The following UNK variants were observed in gnomAD, a reference collection of about 807,000 sequenced individuals.
UNK encodes the protein unk zinc finger.
Under a neutral mutation model 97.6 loss-of-function variants are expected in UNK, and 32 were observed. The ratio of observed to expected loss-of-function variants is 0.33; its 90% CI spans 0.25 to 0.44. The LOEUF is 0.44. Among genes scored for constraint, UNK ranks in the 20% least tolerant of loss-of-function variants. The probability of loss-of-function intolerance (pLI) is 1.00; values close to 1 mark genes in which losing one functional copy is unlikely to be tolerated. For synonymous variants in UNK, 441 were observed against 461.2 expected, an observed-to-expected ratio of 0.96 and a Z score of 0.56; for missense variants, 771 against 1,098.4, an observed-to-expected ratio of 0.70 and a Z score of 4.21.
rs200830237 is a variant in UNK, at chr17:75,813,831, G to A, written c.829G>A (p.Ala277Thr). ...CCCTGGCAAGTGTGAGAACGGAGAC[G>A]CCTGCCAGTACTGCCACACCCGCAC... ...GDPGKCENGD[A>T]CQYCHTRTEQ... The change falls in exon 6 of 16, where the codon GCC (alanine) becomes ACC (threonine). Residue 277 changes from alanine (A) to threonine (T), a missense_variant. Ala to Thr is a moderately conservative substitution (Grantham distance 58). Around this residue, in one of 5 missense-constraint regions of UNK, gnomAD observed 246 missense variants for 440.7 expected, o/e 0.56. Transcript: ENST00000589666. The A allele has an allele frequency of 5.7e-6, 9 of 1,589,484 alleles. No individual in the cohort carries two copies. Among genetic ancestry groups the A allele is most frequent in the South Asian group, 3.4e-5 (3 of 87,840 alleles).
At chr17:75,796,320 CTTTT>C (rs67667491) in intron 1 of UNK, among the ~76,000 whole-genome samples, 1 of 137,366 alleles carries the variant, frequency 7.3e-6, no homozygotes. Flanking sequence ...ATATTTAAAG[CTTTT>C]TTTTTTTTTT....
intron 2 of UNK, among the ~76,000 whole-genome samples, chr17:75,811,455 A>G (rs2061968267): frequency 6.6e-6 from 1 of 152,158 alleles, no homozygotes. Context: ...CCCCTAGCCT[A>G]ACGAAGCACT....
Position 75,809,946 on chromosome 17 carries a change from A to G in UNK, c.291A>G (p.Thr97=). The G allele has an allele frequency of 6.2e-7, 1 of 1,613,668 alleles. No homozygotes were observed. Among genetic ancestry groups the G allele is most frequent in the African/African-American group, 1.3e-5 (1 of 75,080 alleles). Residue 97 remains threonine (T), a synonymous_variant, in exon 2 of 16, where the codon ACA becomes ACG. Coordinates refer to ENST00000589666, the MANE Select transcript of UNK (RefSeq NM_001080419.3). ...DVYCTKYDEA[T]GLCPEGDECP... is the part of the protein sequence containing the mutation. The stretch of plus-strand genomic sequence containing the variant: ...ACTGCACCAAGTACGACGAGGCTAC[A>G]GGCCTCTGCCCGGAGGGCGACGAGT...
intron 1 of UNK, among the ~76,000 whole-genome samples, chr17:75,795,729 A>T (rs1483207763): frequency 1.3e-5 from 2 of 152,176 alleles, no homozygotes; most frequent in Non-Finnish European, 2.9e-5. Context: ...CTCTAACATC[A>T]GTGACGTGAG....
At chr17:75,797,089 T>C (rs2061812721) in intron 1 of UNK, among the ~76,000 whole-genome samples, 1 of 152,206 alleles carries the variant, frequency 6.6e-6, no homozygotes, top group Non-Finnish European at 1.5e-5. Context: ...TTTTTTGGCT[T>C]TTTGTTTTTC....
At chr17:75,795,328 T>G (rs1266783784) in intron 1 of UNK, among the ~76,000 whole-genome samples, 3 of 151,830 alleles carry the variant, frequency 2.0e-5, no homozygotes, top group African/African-American at 7.3e-5. Context: ...CTTTTTGTTG[T>G]TGTTGTTGTT....
chr17:75,819,955 A>G lies in UNK; in HGVS notation c.1684A>G (p.Ile562Val). ...GCTGCAGAGCTCTGCACCCGTGAAC[A>G]TCCCCGGCTCCTTGGGCAGCTCTGC... ...SLLQSSAPVN[I>V]PGSLGSSASF... The change falls in exon 13 of 16, where the codon ATC becomes GTC. Residue 562 changes from isoleucine (I) to valine (V), a missense_variant. Around this residue, in one of 5 missense-constraint regions of UNK, gnomAD observed 91 missense variants for 173.1 expected, o/e 0.53. Transcript: ENST00000589666. This position sits in a 1 kb window ranked among gnomAD's most constrained non-coding sequence, Gnocchi z 5.4. 1.2e-6 allele frequency: 2 copies of G among 1,612,688 alleles called. No individual in the cohort carries two copies. Among genetic ancestry groups the G allele is most frequent in the Non-Finnish European group, 8.5e-7 (1 of 1,179,246 alleles).
chr17:75,811,942 C>T (rs1599380567), intron 2 of UNK, among the ~76,000 whole-genome samples, 170 bp from the exon 3 acceptor site: 1 of 152,142 alleles, frequency 6.6e-6, no homozygotes, highest in Non-Finnish European at 1.5e-5. Flanking sequence ...GCCAAGATCG[C>T]GCCGCTGCAC....
At chr17:75,813,573 T>G (rs1373084607) in intron 5 of UNK, among the ~76,000 whole-genome samples, 188 bp from the exon 6 acceptor site, 2 of 152,162 alleles carry the variant, frequency 1.3e-5, no homozygotes, top group Non-Finnish European at 2.9e-5. Context: ...AACAGTATCC[T>G]TTGTGGTGAT....
intron 14 of UNK, among the ~76,000 whole-genome samples, chr17:75,822,934 G>C (rs891694181): frequency 1.3e-5 from 2 of 152,178 alleles, no homozygotes; most frequent in African/African-American, 4.8e-5. Context: ...CGCCTCTCCA[G>C]GGTTTCAAGT....
chr17:75,796,592 G>T (rs1289346235), intron 1 of UNK, among the ~76,000 whole-genome samples: 1 of 152,144 alleles, frequency 6.6e-6, no homozygotes, highest in Non-Finnish European at 1.5e-5. Context: ...TCCCCAAAGT[G>T]CTGGGCCTGA....
intron 1 of UNK, chr17:75,791,929 C>T (rs1403749554): frequency 1.0e-6 from 1 of 985,326 alleles, no homozygotes. Context: ...AGCTCCTTCT[C>T]TGCAAATAGC....
In UNK at chr17:75,819,141, T is replaced by A; in HGVS notation, c.1546+325T>A. The stretch of plus-strand genomic sequence containing the variant: ...GTGTAGTGAATGGCCAGCACGACGT[T>A]CTCAGAATCCCTGGTGCTAGAAGTT... On this transcript the variant is annotated intron_variant, in intron 11 of 15. Transcript: ENST00000589666. This position sits in a 1 kb window ranked among gnomAD's most constrained non-coding sequence, Gnocchi z 5.4. 1 of 290,874 alleles carries A rather than the reference T, an allele frequency of 3.4e-6. No individual in the cohort carries two copies. The highest frequency in any genetic ancestry group is 6.3e-6 in the Non-Finnish European group (1 of 157,588). 18.0% of individuals were successfully genotyped at this position (290,874 alleles called of 1,614,324 possible).
At position 75,824,465 on chromosome 17, in the gene UNK, TTTTA is replaced by T. The variant is rs2062099983; in HGVS notation, c.*49_*52del. ...GGCCCAGATCTTCTCACCTAGGACT[TTTTA>T]AAGTATATATATATATATGAATATA... On this transcript the variant is annotated 3_prime_UTR_variant, in exon 16 of 16. Coordinates refer to ENST00000589666, the MANE Select transcript of UNK (RefSeq NM_001080419.3). The surrounding 1 kb of genome is among the most constrained non-coding windows in gnomAD (Gnocchi z 4.9). The T allele has an allele frequency of 1.6e-6, 2 of 1,288,966 alleles. No homozygotes were observed. Among genetic ancestry groups the T allele is most frequent in the Non-Finnish European group, 2.0e-6 (2 of 1,002,372 alleles). The allele number at this position is 1,288,966 out of a possible 1,614,324, so 79.8% of individuals were successfully genotyped here.
At position 75,819,582 on chromosome 17, in the gene UNK, C is replaced by A; in HGVS notation, c.1547-102C>A. On this transcript the variant is annotated intron_variant, in intron 11 of 15. Transcript: ENST00000589666. This position sits in a 1 kb window ranked among gnomAD's most constrained non-coding sequence, Gnocchi z 5.4. The stretch of plus-strand genomic sequence containing the variant: ...CACAGGGGCTTGGGAGAATACGGAC[C>A]CAGCGTAGCATGGGCGTGAAGATGC... 1 of 1,089,418 alleles carries A rather than the reference C, an allele frequency of 9.2e-7. No individual in the cohort carries two copies. Among genetic ancestry groups the A allele is most frequent in the Non-Finnish European group, 1.4e-6 (1 of 721,716 alleles). 67.5% of individuals were successfully genotyped at this position (1,089,418 alleles called of 1,614,324 possible).
Position 75,812,254 on chromosome 17 carries a change from C to T in UNK, c.457C>T (p.Pro153Ser). 6.2e-7 allele frequency: 1 copy of T among 1,613,582 alleles called. No individual in the cohort carries two copies. The highest frequency in any genetic ancestry group is 8.5e-7 in the Non-Finnish European group (1 of 1,179,616). ...CCTGCACTGCGCTTTTGCCCACGGG[C>T]CCCATGACCTCCGCTCCCCTGTCTA... ...NGLHCAFAHG[P>S]HDLRSPVYDI... is the part of the protein sequence containing the mutation. The change falls in exon 3 of 16, where the codon CCC (proline) becomes TCC (serine). Residue 153 changes from proline (P) to serine (S), a missense_variant. Around this residue, in one of 5 missense-constraint regions of UNK, gnomAD observed 246 missense variants for 440.7 expected, o/e 0.56. Transcript: ENST00000589666.
chr17:75,802,078 C>T (rs374887721), intron 1 of UNK, among the ~76,000 whole-genome samples: 1 of 151,572 alleles, frequency 6.6e-6, no homozygotes, highest in African/African-American at 2.4e-5. Context: ...AAACTCCTGA[C>T]CCTAAGTGAT....
chr17:75,817,571 T>G lies in UNK; in HGVS notation c.1305+45T>G. The G allele has an allele frequency of 6.5e-7, 1 of 1,529,870 alleles. No homozygotes were observed. The highest frequency in any genetic ancestry group is 8.8e-7 in the Non-Finnish European group (1 of 1,132,012). 94.8% of individuals were successfully genotyped at this position (1,529,870 alleles called of 1,614,324 possible). ...GCAGTGAGGTTAGCCTTCTCCTGCG[T>G]GGGGCAAGAGAATCTTGGAGGAGTG... On this transcript the variant is annotated intron_variant, in intron 9 of 15. Transcript: ENST00000589666. The surrounding 1 kb of genome is among the most constrained non-coding windows in gnomAD (Gnocchi z 5.8).
intron 1 of UNK, among the ~76,000 whole-genome samples, chr17:75,805,179 CAA>C (rs36025200): frequency 0.023 from 2,603 of 114,780 alleles, 29 homozygotes; most frequent in Middle Eastern, 0.043. Context: ...GACTCCATCT[CAA>C]AAAAAAAAAA....
Sources: allele counts gnomAD v4.1 joint callset (sites outside exome capture counted in the v4.1 genomes callset), GRCh38; gene constraint gnomAD v4.1.1; regional missense constraint gnomAD v4.1.1; non-coding constraint Gnocchi (gnomAD v3.1); transcripts MANE v1.5; gene names NCBI Gene and HGNC (gene_info 2026-07-23, HGNC 2026-07-21).